Variants in TNNI3K observed in about 807,000 individuals in gnomAD.
The protein encoded by TNNI3K is serine/threonine-protein kinase TNNI3K.
Under a neutral mutation model 114.5 loss-of-function variants are expected in TNNI3K, and 140 were observed. The ratio of observed to expected loss-of-function variants is 1.22; its 90% CI spans 1.07 to 1.41. TNNI3K has a LOEUF of 1.41. TNNI3K is among the 40% of genes most tolerant of loss of function. The probability of loss-of-function intolerance (pLI) is 0.00; values close to 1 mark genes in which losing one functional copy is unlikely to be tolerated. For synonymous variants in TNNI3K, 347 were observed against 347.5 expected (o/e 1.00, Z 0.02); for missense variants, 1,125 against 1,007.6 (o/e 1.12, Z -1.58).
intron 21 of TNNI3K, chr1:74,471,343 G>A: frequency 2.5e-6 from 1 of 400,666 alleles, no homozygotes; most frequent in Non-Finnish European, 4.4e-6. Flanking sequence ...ATTTATTTTG[G>A]CTTCTGTCTC....
chr1:74,266,898 A>G (rs143248752), intron 4 of TNNI3K, among the ~76,000 whole-genome samples: 30 of 152,064 alleles, frequency 2.0e-4, no homozygotes, highest in African/African-American at 6.3e-4. Context: ...CTATTTCTCA[A>G]GGATATAGCT....
intron 24 of TNNI3K, among the ~76,000 whole-genome samples, chr1:74,540,598 T>C (rs1570760422): frequency 3.3e-5 from 1 of 30,442 alleles, no homozygotes; most frequent in African/African-American, 7.5e-5. Flanking sequence ...AAAGTACAAC[T>C]CTTTTTTTAA....
intron 17 of TNNI3K, among the ~76,000 whole-genome samples, chr1:74,422,932 A>T (rs992633468): frequency 9.2e-5 from 14 of 152,154 alleles, no homozygotes; most frequent in Non-Finnish European, 1.8e-4. Context: ...GTAAACTTGG[A>T]TAAAATCACT....
chr1:74,543,425 C>T (rs1486290901), intron 24 of TNNI3K, among the ~76,000 whole-genome samples: 1 of 152,142 alleles, frequency 6.6e-6, no homozygotes, highest in African/African-American at 2.4e-5. Flanking sequence ...TTAGCATTCA[C>T]TGGTATCAGA....
chr1:74,375,502 G>C (rs1229898417), intron 17 of TNNI3K: 5 of 449,894 alleles, frequency 1.1e-5, no homozygotes, highest in East Asian at 7.0e-5. Flanking sequence ...AACCTCCCCA[G>C]ATTGCTTCTG....
At chr1:74,454,593 C>T (rs1667155950) in intron 20 of TNNI3K, among the ~76,000 whole-genome samples, 1 of 151,986 alleles carries the variant, frequency 6.6e-6, no homozygotes, top group Non-Finnish European at 1.5e-5. Context: ...GAATATGTAC[C>T]ACATTTTCTT....
intron 23 of TNNI3K, among the ~76,000 whole-genome samples, chr1:74,501,397 T>G (rs1178659039): frequency 6.6e-6 from 1 of 152,254 alleles, no homozygotes; most frequent in Non-Finnish European, 1.5e-5. Context: ...CTTTTATTTC[T>G]TCAAACGAAT....
At chr1:74,446,138 T>G (rs1557571081) in intron 20 of TNNI3K, among the ~76,000 whole-genome samples, 1 of 152,108 alleles carries the variant, frequency 6.6e-6, no homozygotes, top group Non-Finnish European at 1.5e-5. Context: ...ATGGTTTAAC[T>G]AGTTTACAGT....
At chr1:74,537,887 G>C (rs1046482733) in intron 23 of TNNI3K, among the ~76,000 whole-genome samples, 1 of 152,166 alleles carries the variant, frequency 6.6e-6, no homozygotes, top group African/African-American at 2.4e-5. Context: ...AATGTTCAAA[G>C]TGCTTTAAAT....
chr1:74,330,730 A>G (rs1403781738), intron 5 of TNNI3K, among the ~76,000 whole-genome samples: 2 of 152,178 alleles, frequency 1.3e-5, no homozygotes, highest in Admixed American at 6.5e-5. Context: ...TTTCTCCCCT[A>G]CAAATACCAA....
At position 74,475,417 on chromosome 1, in the gene TNNI3K, C is replaced by G. The variant is rs17095400; in HGVS notation, c.2121+11867C>G. ...AAGTAAGCCTGCTTCATTAAAAGCTCTCATATTTCCAGGAGGCTCTGAACA... is the reference window on the plus strand; with the variant it reads ...AAGTAAGCCTGCTTCATTAAAAGCTGTCATATTTCCAGGAGGCTCTGAACA... On this transcript the variant is annotated intron_variant, in intron 21 of 24. Coordinates refer to ENST00000326637, the MANE Select transcript of TNNI3K (RefSeq NM_015978.3). The G allele has an allele frequency of 4.9e-3, 3,527 of 717,080 alleles. 93 individuals are homozygous for G. In the African/African-American group the frequency reaches 0.055, roughly 11 times the overall value. The allele number at this position is 717,080 out of a possible 1,614,324, so 44.4% of individuals were successfully genotyped here. A position where few individuals can be genotyped will look rare whatever the true frequency, so the allele number is the denominator to read the frequency against.
At chr1:74,505,546 A>C (rs1003774829) in intron 23 of TNNI3K, among the ~76,000 whole-genome samples, 5 of 151,800 alleles carry the variant, frequency 3.3e-5, no homozygotes, top group Non-Finnish European at 7.4e-5. Flanking sequence ...TTAATTCCTC[A>C]TGGATTGTTT....
intron 6 of TNNI3K, among the ~76,000 whole-genome samples, chr1:74,332,803 A>G (rs1485801951): frequency 6.6e-6 from 1 of 152,056 alleles, no homozygotes; most frequent in African/African-American, 2.4e-5. Context: ...AGTCCAAACA[A>G]TTTTCCTAAA....
At chr1:74,326,040 T>C (rs898999198) in intron 5 of TNNI3K, among the ~76,000 whole-genome samples, 22 of 152,152 alleles carry the variant, frequency 1.4e-4, no homozygotes, top group Non-Finnish European at 2.9e-5. Context: ...GAAGAGAAAA[T>C]TGTAGCTTTA....
At chr1:74,315,712 C>T (rs1410584076) in intron 5 of TNNI3K, among the ~76,000 whole-genome samples, 8 of 152,026 alleles carry the variant, frequency 5.3e-5, no homozygotes. Flanking sequence ...CATCGATTCT[C>T]CTTTGTGTTA....
chr1:74,426,367 T>A (rs576180653), intron 17 of TNNI3K, among the ~76,000 whole-genome samples: 1 of 152,220 alleles, frequency 6.6e-6, no homozygotes, highest in East Asian at 2.0e-4. Flanking sequence ...TCGTCAGAGA[T>A]AGAGCTGCTT....
chr1:74,542,903 A>C (rs1646742479), intron 24 of TNNI3K, among the ~76,000 whole-genome samples: 1 of 152,130 alleles, frequency 6.6e-6, no homozygotes, highest in Non-Finnish European at 1.5e-5. Flanking sequence ...CTCTGGACAC[A>C]TCCAAGGCTA....
chr1:74,277,492 A>G (rs1179898654), intron 5 of TNNI3K, among the ~76,000 whole-genome samples: 1 of 152,218 alleles, frequency 6.6e-6, no homozygotes, highest in East Asian at 1.9e-4. Context: ...TTAAAGCAAC[A>G]TTAAATGACT....
intron 23 of TNNI3K, among the ~76,000 whole-genome samples, chr1:74,494,877 G>C (rs1669249010): frequency 6.6e-6 from 1 of 152,112 alleles, no homozygotes; most frequent in Admixed American, 6.6e-5. Flanking sequence ...AAGAATATAG[G>C]TCCAAAAATG....
Sources: allele counts gnomAD v4.1 joint callset (sites outside exome capture counted in the v4.1 genomes callset), GRCh38; gene constraint gnomAD v4.1.1; transcripts MANE v1.5; gene names NCBI Gene and HGNC (gene_info 2026-07-23, HGNC 2026-07-21).